UBE2G1: variants seen among roughly 807,000 people sequenced by gnomAD.
UBE2G1 encodes ubiquitin conjugating enzyme E2 G1, also known as ubiquitin-conjugating enzyme E2 G1.
In UBE2G1, 5 loss-of-function variants were observed where a neutral mutation model predicts 22.7. The observed-to-expected ratio is 0.22, with a 90% confidence interval of 0.12 to 0.46. UBE2G1 has a LOEUF of 0.46. Ranked by LOEUF, UBE2G1 falls within the 20% of genes least tolerant of loss-of-function variation. The pLI is 0.99. For missense variants in UBE2G1, 88 were observed against 203.9 expected, an observed-to-expected ratio of 0.43 and a Z score of 3.46; for synonymous variants, 74 against 67.5, an observed-to-expected ratio of 1.10 and a Z score of -0.47.
At chr17:4,290,092 A>G (rs939341109) in intron 3 of UBE2G1, among the ~76,000 whole-genome samples, 1 of 152,224 alleles carries the variant, frequency 6.6e-6, no homozygotes, top group African/African-American at 2.4e-5. Flanking sequence ...GCAAAAAAGT[A>G]AAATATTACT....
At chr17:4,295,369 G>T (rs1234979847) in intron 3 of UBE2G1, among the ~76,000 whole-genome samples, 2 of 152,118 alleles carry the variant, frequency 1.3e-5, no homozygotes, top group African/African-American at 4.8e-5. Flanking sequence ...AATAAAATAC[G>T]CTAAGTCCCT....
intron 2 of UBE2G1, among the ~76,000 whole-genome samples, chr17:4,304,509 G>A (rs1969225824): frequency 6.6e-6 from 1 of 152,134 alleles, no homozygotes; most frequent in Non-Finnish European, 1.5e-5. Flanking sequence ...ATAAATATGA[G>A]TATGACTGAA....
At chr17:4,282,655 T>G in intron 5 of UBE2G1, 143 bp downstream of exon 5, 1 of 578,084 alleles carries the variant, frequency 1.7e-6, no homozygotes. Flanking sequence ...ATACAGTAGT[T>G]TTGAGAACGA....
intron 1 of UBE2G1, among the ~76,000 whole-genome samples, chr17:4,308,129 GGACCACCTGAGGTCGAGAGTTTGA>G (rs2143734038): frequency 6.6e-6 from 1 of 152,240 alleles, no homozygotes; most frequent in South Asian, 2.1e-4. Context: ...CGAGGCAGGT[GGACCACCTGAGGTCGAGAGTTTGA>G]GACCAGACTG....
chr17:4,269,520 C>T lies in UBE2G1; in HGVS notation c.*3034G>A, dbSNP rs1414589876. The T allele has an allele frequency of 3.2e-5, 6 of 186,108 alleles. No homozygotes were observed. The highest frequency in any genetic ancestry group is 1.3e-4 in the Admixed American group (3 of 23,614). 11.5% of individuals were successfully genotyped at this position (186,108 alleles called of 1,614,324 possible). On this transcript the variant is annotated 3_prime_UTR_variant, in exon 6 of 6. Coordinates refer to ENST00000396981, the MANE Select transcript of UBE2G1 (RefSeq NM_003342.5). ...CACCACAGCCCAAAGCGGGCAGATT[C>T]GTCGAGGGTGAGTGGGCATATCAAA...
intron 1 of UBE2G1, among the ~76,000 whole-genome samples, chr17:4,342,421 A>G (rs1295740756): frequency 6.6e-6 from 1 of 152,132 alleles, no homozygotes; most frequent in Non-Finnish European, 1.5e-5. Context: ...GTGAGACCCC[A>G]TTTCTACAAA....
intron 1 of UBE2G1, among the ~76,000 whole-genome samples, chr17:4,363,675 G>C (rs1188216939): frequency 6.6e-6 from 1 of 151,976 alleles, no homozygotes; most frequent in Non-Finnish European, 1.5e-5. Flanking sequence ...CAGAGAGGCC[G>C]GGCCCGGTGG....
At chr17:4,365,512 C>T (rs1363258656) in intron 1 of UBE2G1, among the ~76,000 whole-genome samples, 1 of 152,140 alleles carries the variant, frequency 6.6e-6, no homozygotes, top group Non-Finnish European at 1.5e-5. Context: ...AGCCTGCGGG[C>T]GCAGCTCCGG....
chr17:4,343,829 C>G (rs1165413621), intron 1 of UBE2G1, among the ~76,000 whole-genome samples: 1 of 151,956 alleles, frequency 6.6e-6, no homozygotes, highest in Non-Finnish European at 1.5e-5. Flanking sequence ...CCTCATGATC[C>G]GCCCGCCTCA....
chr17:4,271,755 G>C lies in UBE2G1; in HGVS notation c.*799C>G, dbSNP rs145539263. On this transcript the variant is annotated 3_prime_UTR_variant, in exon 6 of 6. Transcript: ENST00000396981. ...GGAAATTTTCAGTAAGTTGAATTAA[G>C]AACCATCTATTTTTAGTTCTCAGGG... 6.7e-6 allele frequency: 1 copy of C among 149,498 alleles called. No individual in the cohort carries two copies. Among genetic ancestry groups the C allele is most frequent in the Admixed American group, 6.8e-5 (1 of 14,814 alleles). The allele number at this position is 149,498 out of a possible 1,614,324, so 9.3% of individuals were successfully genotyped here.
Position 4,282,799 on chromosome 17 carries a change from C to G in UBE2G1, c.*36G>C. 1 of 1,571,786 alleles carries G rather than the reference C, an allele frequency of 6.4e-7. No homozygotes were observed. The highest frequency in any genetic ancestry group is 8.7e-7 in the Non-Finnish European group (1 of 1,153,670). On this transcript the variant is annotated splice_region_variant and 3_prime_UTR_variant, in exon 5 of 6. Coordinates refer to ENST00000396981, the MANE Select transcript of UBE2G1 (RefSeq NM_003342.5). ...GTATGATATTTAAAATAAACTTACCCTGAAATAAGTGAAGTTACTAGCTGC... is the reference window on the plus strand; with the variant it reads ...GTATGATATTTAAAATAAACTTACCGTGAAATAAGTGAAGTTACTAGCTGC...
At chr17:4,320,698 C>T (rs548592693) in intron 1 of UBE2G1, among the ~76,000 whole-genome samples, 2 of 152,246 alleles carry the variant, frequency 1.3e-5, no homozygotes, top group South Asian at 2.1e-4. Flanking sequence ...TTAGACACTA[C>T]CTTCTTGCTC....
chr17:4,323,057 T>G (rs1212650450), intron 1 of UBE2G1, among the ~76,000 whole-genome samples: 1 of 152,236 alleles, frequency 6.6e-6, no homozygotes, highest in Non-Finnish European at 1.5e-5. Flanking sequence ...CTTCTGCTGA[T>G]AGCGAGACTG....
chr17:4,283,031 A>C, intron 4 of UBE2G1, 110 bp from the exon 5 acceptor site: 1 of 915,806 alleles, frequency 1.1e-6, no homozygotes, highest in South Asian at 1.7e-5. Context: ...TACACTTCAG[A>C]AACATTATAG....
chr17:4,355,259 T>TC (rs1567530913), intron 1 of UBE2G1, among the ~76,000 whole-genome samples: 1 of 149,864 alleles, frequency 6.7e-6, no homozygotes, highest in Non-Finnish European at 1.5e-5. Flanking sequence ...TGCCTCGGCC[T>TC]CCCAAAGTTC....
intron 1 of UBE2G1, among the ~76,000 whole-genome samples, chr17:4,310,238 T>C (rs1422211386): frequency 2.6e-5 from 4 of 152,320 alleles, no homozygotes; most frequent in East Asian, 1.9e-4. Flanking sequence ...GCTAAATTCC[T>C]ATTAATTGTA....
intron 1 of UBE2G1, among the ~76,000 whole-genome samples, chr17:4,327,290 C>G (rs556140431): frequency 6.6e-6 from 1 of 151,090 alleles, no homozygotes; most frequent in Admixed American, 6.6e-5. Context: ...GAGCAAGACT[C>G]TGTCTCAAAA....
At chr17:4,353,932 C>G (rs1454675205) in intron 1 of UBE2G1, among the ~76,000 whole-genome samples, 1 of 151,466 alleles carries the variant, frequency 6.6e-6, no homozygotes, top group Non-Finnish European at 1.5e-5. Flanking sequence ...ATTCTCCTGC[C>G]TTGGCCTCCC....
intron 1 of UBE2G1, among the ~76,000 whole-genome samples, chr17:4,349,097 C>T (rs1360387976): frequency 6.6e-6 from 1 of 151,992 alleles, no homozygotes; most frequent in African/African-American, 2.4e-5. Flanking sequence ...CCGAGGTGGG[C>T]AGATCACGAG....
Sources: allele counts gnomAD v4.1 joint callset (sites outside exome capture counted in the v4.1 genomes callset), GRCh38; gene constraint gnomAD v4.1.1; transcripts MANE v1.5; gene names NCBI Gene and HGNC (gene_info 2026-07-23, HGNC 2026-07-21).